GALNTL6: variants seen among roughly 807,000 people sequenced by gnomAD.
The protein encoded by GALNTL6 is polypeptide N-acetylgalactosaminyltransferase like 6, also known as polypeptide N-acetylgalactosaminyltransferase-like 6.
A neutral mutation model predicts 73.7 loss-of-function variants in GALNTL6; 46 were observed. The ratio of observed to expected loss-of-function variants is 0.62; its 90% CI spans 0.49 to 0.80. The LOEUF (loss-of-function observed/expected upper bound fraction) is 0.80. Among genes scored for constraint, GALNTL6 ranks in the 30% least tolerant of loss-of-function variants. The pLI is 0.00. For synonymous variants in GALNTL6, 259 were observed against 263.7 expected (o/e 0.98, Z 0.17); for missense variants, 604 against 755.0 (o/e 0.80, Z 2.34).
intron 2 of GALNTL6, among the ~76,000 whole-genome samples, chr4:172,062,876 T>C (rs1731252576): frequency 6.6e-6 from 1 of 152,246 alleles, no homozygotes; most frequent in Non-Finnish European, 1.5e-5. Flanking sequence ...TTCATCACTC[T>C]ACCTCCTTTC....
chr4:172,564,000 A>G (rs1210671568), intron 5 of GALNTL6, among the ~76,000 whole-genome samples: 2 of 152,186 alleles, frequency 1.3e-5, no homozygotes, highest in African/African-American at 4.8e-5. Flanking sequence ...TGTTTTTAAT[A>G]TTATAGTCTC....
chr4:173,004,074 C>T (rs1203942992), intron 10 of GALNTL6, among the ~76,000 whole-genome samples: 1 of 152,102 alleles, frequency 6.6e-6, no homozygotes, highest in Non-Finnish European at 1.5e-5. Context: ...GGACAGGAGG[C>T]TGAAGAGGGA....
At chr4:172,658,876 G>A (rs1167215844) in intron 5 of GALNTL6, among the ~76,000 whole-genome samples, 1 of 152,086 alleles carries the variant, frequency 6.6e-6, no homozygotes, top group East Asian at 1.9e-4. Flanking sequence ...ACACGTTGGT[G>A]ACAAGTCATT....
chr4:172,251,321 A>G (rs1042088352), intron 3 of GALNTL6, among the ~76,000 whole-genome samples: 2 of 152,156 alleles, frequency 1.3e-5, no homozygotes, highest in Non-Finnish European at 2.9e-5. Flanking sequence ...TGCTTTACCC[A>G]AAGTCCACCA....
rs199645020 is a variant in GALNTL6, at chr4:172,661,621, T to A, written c.554-147740T>A. Reference sequence around the variant, plus strand: ...AACCAAACCCAAAAGAAGCAATTGTTATAGTATATGCTAATATATATTCAA... The same window carrying A: ...AACCAAACCCAAAAGAAGCAATTGTAATAGTATATGCTAATATATATTCAA... On this transcript the variant is annotated intron_variant, in intron 5 of 12. Coordinates refer to ENST00000506823, the MANE Select transcript of GALNTL6 (RefSeq NM_001034845.3). Among the ~76,000 whole-genome samples the A allele has an allele frequency of 5.4e-4, 82 of 152,336 alleles. 1 individual carries two copies. The highest frequency in any genetic ancestry group is 5.2e-3 in the East Asian group (27 of 5,192).
At position 172,051,592 on chromosome 4, in the gene GALNTL6, C is replaced by T. The variant is rs553464060; in HGVS notation, c.139-178064C>T. On this transcript the variant is annotated intron_variant, in intron 2 of 12. Coordinates refer to ENST00000506823, the MANE Select transcript of GALNTL6 (RefSeq NM_001034845.3). ...GACTCCTTTCAGCATTCAGACGTTC[C>T]TTTTCTTCTTGCCTTCTCTACCACA... Among the ~76,000 whole-genome samples the T allele has an allele frequency of 4.1e-4, 62 of 152,208 alleles. 1 individual carries two copies. The highest frequency in any genetic ancestry group is 3.4e-3 in the Middle Eastern group (1 of 294).
intron 3 of GALNTL6, among the ~76,000 whole-genome samples, chr4:172,288,005 G>A (rs1739322869): frequency 6.6e-6 from 1 of 152,046 alleles, no homozygotes; most frequent in Non-Finnish European, 1.5e-5. Flanking sequence ...ATAGAAATGA[G>A]CTCACAACTG....
intron 5 of GALNTL6, among the ~76,000 whole-genome samples, chr4:172,454,273 A>G (rs1248954359): frequency 6.6e-6 from 1 of 152,194 alleles, no homozygotes; most frequent in Non-Finnish European, 1.5e-5. Flanking sequence ...ATTCCAGTTT[A>G]CTGATAAAAC....
At chr4:172,577,506 C>G (rs1460529177) in intron 5 of GALNTL6, among the ~76,000 whole-genome samples, 1 of 152,136 alleles carries the variant, frequency 6.6e-6, no homozygotes, top group Non-Finnish European at 1.5e-5. Flanking sequence ...AGGTCCCTTG[C>G]CTTTGAATAG....
chr4:172,492,566 A>G (rs1733935107), intron 5 of GALNTL6, among the ~76,000 whole-genome samples: 2 of 152,172 alleles, frequency 1.3e-5, no homozygotes, highest in African/African-American at 4.8e-5. Flanking sequence ...TTTCAAATCC[A>G]AATAGATCTA....
At chr4:172,307,882 G>C (rs62329872) in intron 3 of GALNTL6, among the ~76,000 whole-genome samples, 62,872 of 151,374 alleles carry the variant, frequency 0.42, 15,143 homozygotes, top group South Asian at 0.64. Flanking sequence ...GCTTTTTCTA[G>C]TTCTGTGAAG....
chr4:172,164,417 T>C (rs1216498219), intron 2 of GALNTL6, among the ~76,000 whole-genome samples: 1 of 151,994 alleles, frequency 6.6e-6, no homozygotes, highest in Non-Finnish European at 1.5e-5. Flanking sequence ...ATGTATTTTA[T>C]GGATTTTTTA....
rs1735782252 is a variant in GALNTL6 at position 172,546,809 on chromosome 4, T to TATATATACAC, written c.553+198127_553+198128insCACATATATA. On this transcript the variant is annotated intron_variant, in intron 5 of 12. Transcript: ENST00000506823. ...TTATATATATATACGTATATATACG[T>TATATATACAC]ATATATATACGTATATGTATAATTG... 5.2e-5 allele frequency among the ~76,000 whole-genome samples: 3 copies of TATATATACAC among 58,144 alleles called. 1 individual carries two copies. The highest frequency in any genetic ancestry group is 1.6e-4 in the African/African-American group (3 of 18,256). 38.1% of individuals were successfully genotyped at this position (58,144 alleles called of 152,430 possible). A position where few individuals can be genotyped will look rare whatever the true frequency, so the allele number is the denominator to read the frequency against.
intron 5 of GALNTL6, among the ~76,000 whole-genome samples, chr4:172,466,377 A>G (rs941940455): frequency 2.0e-5 from 3 of 152,170 alleles, no homozygotes; most frequent in African/African-American, 7.2e-5. Context: ...TAAAGTTTTA[A>G]TTTCTGGAAA....
At chr4:172,014,828 A>G (rs1032574318) in intron 2 of GALNTL6, among the ~76,000 whole-genome samples, 1 of 152,066 alleles carries the variant, frequency 6.6e-6, no homozygotes, top group African/African-American at 2.4e-5. Context: ...TCAAGAGCAG[A>G]TTATTTAATT....
chr4:172,277,915 T>A (rs1738894264), intron 3 of GALNTL6, among the ~76,000 whole-genome samples: 1 of 152,202 alleles, frequency 6.6e-6, no homozygotes, highest in African/African-American at 2.4e-5. Context: ...ATGTACATAA[T>A]TAAAACACAA....
chr4:172,893,511 G>A (rs1265574162), intron 8 of GALNTL6, among the ~76,000 whole-genome samples: 2 of 152,150 alleles, frequency 1.3e-5, no homozygotes, highest in East Asian at 1.9e-4. Flanking sequence ...CTACTCCCAG[G>A]CAACCAGCAA....
intron 10 of GALNTL6, among the ~76,000 whole-genome samples, chr4:173,003,210 A>G (rs958281076): frequency 6.6e-6 from 1 of 152,140 alleles, no homozygotes; most frequent in Non-Finnish European, 1.5e-5. Flanking sequence ...GATGGAGAGG[A>G]AAGGAGTGGG....
intron 3 of GALNTL6, among the ~76,000 whole-genome samples, chr4:172,266,936 G>T (rs1477875194): frequency 6.6e-6 from 1 of 152,068 alleles, no homozygotes; most frequent in Non-Finnish European, 1.5e-5. Context: ...GCACATCCCT[G>T]AAGCTTGGTT....
Sources: gnomAD v4.1 joint callset for allele counts (sites outside exome capture counted in the v4.1 genomes callset) on GRCh38, gnomAD v4.1.1 for gene constraint, MANE v1.5 for transcripts, NCBI Gene and HGNC (gene_info 2026-07-23, HGNC 2026-07-21) for gene names.